The following UTS2 variants were observed in gnomAD, a reference collection of about 807,000 sequenced individuals.
UTS2 encodes urotensin-2.
UTS2 carries 10 observed loss-of-function variants against 12.6 expected under a neutral mutation model. The ratio of observed to expected loss-of-function variants is 0.80; its 90% CI spans 0.49 to 1.35. The LOEUF is 1.35. Among genes scored for constraint, UTS2 ranks in the 40% most tolerant of loss-of-function variants. The pLI is 0.00. For synonymous variants in UTS2, 52 were observed against 50.0 expected, an observed-to-expected ratio of 1.04 and a Z score of -0.17; for missense variants, 142 against 143.2, an observed-to-expected ratio of 0.99 and a Z score of 0.04.
At chr1:7,850,116 C>T (rs1218228084) in intron 2 of UTS2, among the ~76,000 whole-genome samples, 1 of 151,816 alleles carries the variant, frequency 6.6e-6, no homozygotes, top group South Asian at 2.1e-4. Flanking sequence ...ATTACAGGTG[C>T]CCGCCACCAT....
chr1:7,894,505 G>T, the UTS2 span, among the ~76,000 whole-genome samples: 1 of 152,030 alleles, frequency 6.6e-6, no homozygotes, highest in African/African-American at 2.4e-5. Flanking sequence ...AAGGGCTGTG[G>T]TGAATGAAAC....
chr1:7,890,728 C>CAAAA, the UTS2 span, among the ~76,000 whole-genome samples: 19 of 107,276 alleles, frequency 1.8e-4, 1 homozygote, highest in African/African-American at 4.7e-4. Flanking sequence ...CCCATCTCCA[C>CAAAA]AAAAAAAAAA....
chr1:7,849,242 C>G (rs960125943), intron 3 of UTS2, among the ~76,000 whole-genome samples: 1 of 151,980 alleles, frequency 6.6e-6, no homozygotes, highest in South Asian at 2.1e-4. Flanking sequence ...GAGATGAAGT[C>G]TCATTCTTGT....
chr1:7,879,476 C>T, the UTS2 span, among the ~76,000 whole-genome samples: 1 of 152,156 alleles, frequency 6.6e-6, no homozygotes, highest in African/African-American at 2.4e-5. Context: ...CATGATGGCT[C>T]ACGCCTGTAA....
the UTS2 span, among the ~76,000 whole-genome samples, chr1:7,899,961 C>T: frequency 1.3e-5 from 2 of 152,148 alleles, no homozygotes; most frequent in African/African-American, 2.4e-5. Context: ...CAATTGGCTT[C>T]CTCCAGAGAC....
At chr1:7,869,184 T>C in the UTS2 span, among the ~76,000 whole-genome samples, 1 of 152,230 alleles carries the variant, frequency 6.6e-6, no homozygotes, top group Non-Finnish European at 1.5e-5. Flanking sequence ...GCCAAGGTCC[T>C]GCAGCTGACC....
chr1:7,854,161 T>C (rs1638248119), upstream of UTS2, among the ~76,000 whole-genome samples: 1 of 151,768 alleles, frequency 6.6e-6, no homozygotes, highest in African/African-American at 2.4e-5. Context: ...CTGACCAACA[T>C]GGTGAAACCC....
At chr1:7,868,799 G>A in the UTS2 span, among the ~76,000 whole-genome samples, 1 of 152,222 alleles carries the variant, frequency 6.6e-6, no homozygotes, top group African/African-American at 2.4e-5. Context: ...CCAGTGAGAT[G>A]GTATTTGCAG....
the UTS2 span, among the ~76,000 whole-genome samples, chr1:7,866,688 C>T: frequency 6.6e-6 from 1 of 152,256 alleles, no homozygotes; most frequent in Non-Finnish European, 1.5e-5. The surrounding 1 kb of genome is among the most constrained non-coding windows in gnomAD (Gnocchi z 4.5). Flanking sequence ...GCATGCTTGC[C>T]TGCCTCCTCC....
chr1:7,889,267 A>AAC, the UTS2 span, among the ~76,000 whole-genome samples: 1 of 149,562 alleles, frequency 6.7e-6, no homozygotes, highest in African/African-American at 2.5e-5. Flanking sequence ...CTACAAAAAA[A>AAC]AAAAAAAAAA....
the UTS2 span, among the ~76,000 whole-genome samples, chr1:7,872,268 C>A: frequency 8.3e-6 from 1 of 120,464 alleles, no homozygotes; most frequent in Non-Finnish European, 1.6e-5. Context: ...CCACTGCACT[C>A]CAGCCTGGGC....
In UTS2 at chr1:7,849,576, G is replaced by A. The variant is rs1449786255; in HGVS notation, c.258+64C>T. The A allele has an allele frequency of 1.3e-5, 18 of 1,403,868 alleles. No individual in the cohort carries two copies. In the Admixed American group the frequency reaches 3.3e-4, roughly 26 times the overall value. The allele number at this position is 1,403,868 out of a possible 1,614,324, so 87.0% of individuals were successfully genotyped here. On this transcript the variant is annotated intron_variant, in intron 3 of 3. Coordinates refer to ENST00000361696, the MANE Select transcript of UTS2 (RefSeq NM_006786.4). ...CACTCCTCTAGTTCATGAATTCAGA[G>A]TCCTGTAAAACCAGTACAGAATGTT...
At chr1:7,893,936 G>A in the UTS2 span, among the ~76,000 whole-genome samples, 7 of 152,264 alleles carry the variant, frequency 4.6e-5, no homozygotes, top group African/African-American at 1.7e-4. Flanking sequence ...TCTAAAAACC[G>A]TAGAGTGAGT....
chr1:7,856,139 A>G (rs974014197), upstream of UTS2, among the ~76,000 whole-genome samples: 4 of 151,930 alleles, frequency 2.6e-5, no homozygotes, highest in Non-Finnish European at 4.4e-5. Flanking sequence ...CTATCGCACT[A>G]TTTTATGTAT....
chr1:7,855,613 C>A (rs904083919), upstream of UTS2, among the ~76,000 whole-genome samples: 12 of 152,068 alleles, frequency 7.9e-5, 1 homozygote, highest in South Asian at 2.3e-3. Context: ...GACCTCCTGG[C>A]CTTAAGTGAT....
At chr1:7,862,109 C>T in the UTS2 span, among the ~76,000 whole-genome samples, 1 of 151,940 alleles carries the variant, frequency 6.6e-6, no homozygotes, top group Non-Finnish European at 1.5e-5. Flanking sequence ...GATGGGATTG[C>T]ACCATGTTGG....
upstream of UTS2, among the ~76,000 whole-genome samples, chr1:7,854,337 C>G (rs1410416762): frequency 8.6e-6 from 1 of 116,224 alleles, no homozygotes; most frequent in Non-Finnish European, 1.9e-5. Context: ...GAGCGAGACT[C>G]TGTCTAAAAA....
the UTS2 span, among the ~76,000 whole-genome samples, chr1:7,908,278 C>G: frequency 1.4e-5 from 2 of 140,200 alleles, no homozygotes; most frequent in Admixed American, 1.5e-4. Context: ...GCCTGGGTGA[C>G]AGAGTGAGAC....
At chr1:7,899,167 T>C in the UTS2 span, among the ~76,000 whole-genome samples, 7 of 152,148 alleles carry the variant, frequency 4.6e-5, no homozygotes, top group African/African-American at 9.7e-5. Context: ...ATCCGCCCCA[T>C]GACCCAATCA....
Sources: gnomAD v4.1 joint callset for allele counts (sites outside exome capture counted in the v4.1 genomes callset) on GRCh38, gnomAD v4.1.1 for gene constraint, Gnocchi (gnomAD v3.1) non-coding constraint, MANE v1.5 for transcripts, NCBI Gene and HGNC (gene_info 2026-07-23, HGNC 2026-07-21) for gene names.